GSE1: variants seen among roughly 807,000 people sequenced by gnomAD.
GSE1 encodes the protein genetic suppressor element 1.
A neutral mutation model predicts 112.6 loss-of-function variants in GSE1; 32 were observed. The ratio of observed to expected loss-of-function variants is 0.28; its 90% CI spans 0.21 to 0.38. The LOEUF is 0.38. Ranked by LOEUF, GSE1 falls within the 10% of genes least tolerant of loss-of-function variation. The pLI is 1.00. For missense variants in GSE1, 2,348 were observed against 1,699.2 expected, an observed-to-expected ratio of 1.38 and a Z score of -6.71; for synonymous variants, 1,115 against 735.6, an observed-to-expected ratio of 1.52 and a Z score of -8.35.
intron 13 of GSE1, 81 bp from the exon 14 acceptor site, chr16:85,668,059 G>A: frequency 9.4e-7 from 1 of 1,058,332 alleles, no homozygotes; most frequent in Non-Finnish European, 1.4e-6. Flanking sequence ...CTGCACCAAG[G>A]GCAGAGCAGA....
intron 1 of GSE1, among the ~76,000 whole-genome samples, chr16:85,257,368 C>G (rs1327456211): frequency 6.6e-6 from 1 of 152,182 alleles, no homozygotes; most frequent in African/African-American, 2.4e-5. Context: ...GCCTCGGCCT[C>G]CCAAAGTGCT....
At chr16:85,236,199 C>T (rs1390206069) in intron 1 of GSE1, among the ~76,000 whole-genome samples, 2 of 152,298 alleles carry the variant, frequency 1.3e-5, no homozygotes, top group African/African-American at 2.4e-5. Context: ...GCTCTTGGGG[C>T]CCCCATAGTA....
At chr16:85,450,518 C>T (rs1039349206) in intron 2 of GSE1, among the ~76,000 whole-genome samples, 5 of 151,866 alleles carry the variant, frequency 3.3e-5, no homozygotes, top group Non-Finnish European at 7.4e-5. Flanking sequence ...GGCCTGATCT[C>T]GGCTCACTGC....
intron 1 of GSE1, among the ~76,000 whole-genome samples, chr16:85,277,914 G>A (rs1383910473): frequency 2.0e-5 from 3 of 152,210 alleles, no homozygotes; most frequent in Non-Finnish European, 4.4e-5. Flanking sequence ...CCTCCACCTC[G>A]GGGCTCCTTC....
At chr16:85,417,637 C>T (rs1009582185) in intron 2 of GSE1, among the ~76,000 whole-genome samples, 2 of 152,220 alleles carry the variant, frequency 1.3e-5, no homozygotes, top group African/African-American at 4.8e-5. Flanking sequence ...TGCCAGATGT[C>T]CCTGGGTATG....
At chr16:85,401,857 G>A (rs373018307) in intron 2 of GSE1, among the ~76,000 whole-genome samples, 7 of 152,308 alleles carry the variant, frequency 4.6e-5, no homozygotes, top group African/African-American at 9.6e-5. Context: ...TGTGCTTTCC[G>A]TGTTCCCAGC....
At chr16:85,514,604 G>A (rs1313084179) in intron 2 of GSE1, among the ~76,000 whole-genome samples, 1 of 152,212 alleles carries the variant, frequency 6.6e-6, no homozygotes, top group East Asian at 1.9e-4. Flanking sequence ...CACCCTGCTG[G>A]GCTTGTCACA....
chr16:85,175,523 C>T (rs1042976931), intron 1 of GSE1, among the ~76,000 whole-genome samples: 7 of 152,238 alleles, frequency 4.6e-5, no homozygotes, highest in Non-Finnish European at 8.8e-5. Flanking sequence ...TGGGTGAGAG[C>T]GCCTGGCTCG....
chr16:85,223,408 A>G (rs1466177070), intron 1 of GSE1, among the ~76,000 whole-genome samples: 1 of 151,754 alleles, frequency 6.6e-6, no homozygotes. Flanking sequence ...CTGTAATCCC[A>G]GCTAATCGGG....
At chr16:85,437,870 G>A (rs2049287853) in intron 2 of GSE1, among the ~76,000 whole-genome samples, 1 of 152,186 alleles carries the variant, frequency 6.6e-6, no homozygotes, top group Non-Finnish European at 1.5e-5. Flanking sequence ...TGTGGTGTCA[G>A]GCATGTTGCT....
upstream of GSE1, among the ~76,000 whole-genome samples, chr16:85,553,274 C>CCCGCCGCCCCGCTTGCCAGGCCG (rs1360791203): frequency 2.0e-5 from 3 of 149,542 alleles, no homozygotes; most frequent in East Asian, 5.8e-4. Flanking sequence ...GGACCCCGAC[C>CCCGCCGCCCCGCTTGCCAGGCCG]CCGCCGCCCC....
rs2052555396 is a variant in GSE1, at chr16:85,662,997, C to A, written c.2277C>A (p.Leu759=). 6.2e-7 allele frequency: 1 copy of A among 1,609,488 alleles called. No homozygotes were observed. Among genetic ancestry groups the A allele is most frequent in the African/African-American group, 1.3e-5 (1 of 74,846 alleles). Residue 759 remains leucine, a synonymous_variant, in exon 10 of 16, where the codon CTC becomes CTA. Coordinates refer to ENST00000253458, the MANE Select transcript of GSE1 (RefSeq NM_014615.5). ...CTCCATCAGGGTACTACTACGACCTCGATGACTCTTACGACGAGAGCGATG... is the reference window on the plus strand; with the variant it reads ...CTCCATCAGGGTACTACTACGACCTAGATGACTCTTACGACGAGAGCGATG... ...EAQEKGYYYD[L]DDSYDESDEE...
chr16:85,624,953 G>A (rs1459197271), intron 1 of GSE1, among the ~76,000 whole-genome samples: 1 of 152,182 alleles, frequency 6.6e-6, no homozygotes, highest in African/African-American at 2.4e-5. Context: ...TGCTTTCTGG[G>A]GTCTGCTTAC....
At chr16:85,437,919 C>T (rs770183475) in intron 2 of GSE1, among the ~76,000 whole-genome samples, 10 of 152,296 alleles carry the variant, frequency 6.6e-5, no homozygotes, top group Non-Finnish European at 1.0e-4. Context: ...ACAATAGTAC[C>T]TGCCTCCCAT....
intron 1 of GSE1, among the ~76,000 whole-genome samples, chr16:85,345,916 T>G (rs1467745744): frequency 6.6e-6 from 1 of 152,042 alleles, no homozygotes; most frequent in Admixed American, 6.6e-5. Context: ...GATGGGTGGA[T>G]GGATGACTGG....
chr16:85,469,662 T>C (rs1381536179), intron 2 of GSE1, among the ~76,000 whole-genome samples: 1 of 152,226 alleles, frequency 6.6e-6, no homozygotes, highest in Non-Finnish European at 1.5e-5. Context: ...GGGCATAGCT[T>C]TGGGGACCTG....
intron 2 of GSE1, among the ~76,000 whole-genome samples, chr16:85,388,297 TGG>T (rs2047741562): frequency 4.6e-5 from 1 of 21,912 alleles, no homozygotes; most frequent in Non-Finnish European, 1.7e-4. Flanking sequence ...GGTGGGTGGA[TGG>T]ATGGATGGAT....
At chr16:85,446,866 G>C (rs969346760) in intron 2 of GSE1, among the ~76,000 whole-genome samples, 1 of 152,070 alleles carries the variant, frequency 6.6e-6, no homozygotes, top group South Asian at 2.1e-4. Flanking sequence ...CCGCAACCCC[G>C]CTCCCGCTGT....
At chr16:85,468,697 T>C (rs2050195826) in intron 2 of GSE1, among the ~76,000 whole-genome samples, 2 of 152,090 alleles carry the variant, frequency 1.3e-5, no homozygotes, top group African/African-American at 2.4e-5. Flanking sequence ...GGGCCATGTC[T>C]CTCCCCTCCC....
Sources: allele counts gnomAD v4.1 joint callset (sites outside exome capture counted in the v4.1 genomes callset), GRCh38; gene constraint gnomAD v4.1.1; transcripts MANE v1.5; gene names NCBI Gene and HGNC (gene_info 2026-07-23, HGNC 2026-07-21).